Variants in EIF4G3 observed in about 807,000 individuals in gnomAD.
EIF4G3 encodes the protein eukaryotic translation initiation factor 4 gamma 3, also known as eIF-4-gamma 3.
In EIF4G3, 34 loss-of-function variants were observed where a neutral mutation model predicts 186.4. The observed-to-expected ratio is 0.18, with a 90% CI of 0.14 to 0.24. The LOEUF (loss-of-function observed/expected upper bound fraction) is 0.24, where lower values mean the gene tolerates loss of function less well. Among genes scored for constraint, EIF4G3 ranks in the 10% least tolerant of loss-of-function variants. EIF4G3 has a pLI of 1.00. For missense variants in EIF4G3, 1,536 were observed against 1,948.5 expected, an observed-to-expected ratio of 0.79 and a Z score of 3.99; for synonymous variants, 673 against 679.5, an observed-to-expected ratio of 0.99 and a Z score of 0.15.
At chr1:21,140,637 A>G (rs906848978) in intron 2 of EIF4G3, among the ~76,000 whole-genome samples, 1 of 152,256 alleles carries the variant, frequency 6.6e-6, no homozygotes, top group Non-Finnish European at 1.5e-5. Context: ...GCAGCAGGTT[A>G]TAAAAAGATA....
chr1:21,084,522 A>G (rs2100969833), intron 3 of EIF4G3, among the ~76,000 whole-genome samples: 1 of 152,202 alleles, frequency 6.6e-6, no homozygotes, highest in South Asian at 2.1e-4. Flanking sequence ...GGGGATTACA[A>G]TTCGACATGA....
chr1:21,065,397 C>A (rs1343789375), intron 3 of EIF4G3, among the ~76,000 whole-genome samples: 64 of 123,992 alleles, frequency 5.2e-4, no homozygotes, highest in African/African-American at 6.9e-4. Flanking sequence ...TTGTTTCTAC[C>A]AAAAAAAAAA....
intron 20 of EIF4G3, among the ~76,000 whole-genome samples, chr1:20,871,498 T>C (rs1338291705): frequency 1.3e-5 from 2 of 152,286 alleles, no homozygotes; most frequent in East Asian, 1.9e-4. Context: ...CAGATACTAG[T>C]TCAATTTTTT....
At chr1:20,814,792 T>G (rs1238619486) in intron 34 of EIF4G3, among the ~76,000 whole-genome samples, 1 of 47,724 alleles carries the variant, frequency 2.1e-5, no homozygotes, top group African/African-American at 9.6e-5. Context: ...CCCCTCTCCC[T>G]CTCCCCACAG....
intron 20 of EIF4G3, among the ~76,000 whole-genome samples, chr1:20,877,448 T>C (rs2081197715): frequency 6.6e-6 from 1 of 152,232 alleles, no homozygotes; most frequent in Admixed American, 6.5e-5. Flanking sequence ...TTCAATAAAG[T>C]GGGGCTAGTA....
At chr1:20,836,997 A>G (rs1411870043) in intron 30 of EIF4G3, among the ~76,000 whole-genome samples, 3 of 152,232 alleles carry the variant, frequency 2.0e-5, no homozygotes, top group Non-Finnish European at 4.4e-5. Flanking sequence ...TTCTTTGCGG[A>G]GATATGTTTC....
intron 26 of EIF4G3, among the ~76,000 whole-genome samples, chr1:20,854,538 TAA>T (rs36090897): frequency 6.0e-5 from 8 of 132,324 alleles, no homozygotes; most frequent in Admixed American, 1.5e-4. Context: ...TACAAAAAAT[TAA>T]AAAAAAAAAA....
At chr1:21,043,302 G>C (rs914122039) in intron 4 of EIF4G3, among the ~76,000 whole-genome samples, 2 of 152,134 alleles carry the variant, frequency 1.3e-5, no homozygotes, top group African/African-American at 2.4e-5. Context: ...CAATCAGTTT[G>C]GTTCTTACAA....
intron 2 of EIF4G3, among the ~76,000 whole-genome samples, chr1:21,133,953 T>C (rs184864907): frequency 1.3e-5 from 2 of 152,332 alleles, no homozygotes; most frequent in East Asian, 3.9e-4. Flanking sequence ...CGTTGAACTG[T>C]ACTTACTGCG....
At chr1:20,872,875 T>A (rs2079616773) in intron 20 of EIF4G3, among the ~76,000 whole-genome samples, 1 of 152,056 alleles carries the variant, frequency 6.6e-6, no homozygotes, top group South Asian at 2.1e-4. Context: ...TAGCTGGGAT[T>A]ACAGGCATGC....
chr1:21,129,409 C>T (rs192312206), intron 2 of EIF4G3, among the ~76,000 whole-genome samples: 54 of 152,240 alleles, frequency 3.5e-4, no homozygotes, highest in Admixed American at 2.8e-3. Context: ...AGACACAATG[C>T]ACTTGGTAAG....
chr1:20,884,276 G>A (rs370341055), intron 19 of EIF4G3, among the ~76,000 whole-genome samples: 1 of 152,092 alleles, frequency 6.6e-6, no homozygotes, highest in African/African-American at 2.4e-5. Context: ...AGACAATAAC[G>A]GAGAGGACTC....
Position 20,895,440 on chromosome 1 carries a change from G to T in EIF4G3, c.2061C>A (p.Asp687Glu). ...KKQYDREFLL[D>E]FQFMPACIQK... is the part of the protein sequence containing the mutation. ...GTATACAGGCAGGCATGAACTGGAA[G>T]TCCAGCAGAAACTCCCTGTCATACT... is the stretch of plus-strand genomic sequence containing the variant. The change falls in exon 17 of 37, where the codon GAC (aspartate) becomes GAA (glutamate). Residue 687 changes from aspartate to glutamate, a missense_variant. Transcript: ENST00000602326. 1 of 1,614,044 alleles carries T rather than the reference G, an allele frequency of 6.2e-7. No individual in the cohort carries two copies. The highest frequency in any genetic ancestry group is 8.5e-7 in the Non-Finnish European group (1 of 1,179,954).
chr1:20,972,451 T>C (rs1269352387), intron 11 of EIF4G3, among the ~76,000 whole-genome samples: 1 of 152,026 alleles, frequency 6.6e-6, no homozygotes. Flanking sequence ...CTGGGCAACA[T>C]GGCGAAATCC....
rs916161739 is a variant in EIF4G3 at position 20,997,653 on chromosome 1, C to G, written c.145-20G>C. 1.3e-6 allele frequency: 2 copies of G among 1,533,880 alleles called. No individual in the cohort carries two copies. Among genetic ancestry groups the G allele is most frequent in the African/African-American group, 2.8e-5 (2 of 71,782 alleles). On this transcript the variant is annotated intron_variant, in intron 6 of 36. Transcript: ENST00000602326. The stretch of plus-strand genomic sequence containing the variant: ...TGCAAACTGAGAAAAGGAGGGAAAA[C>G]AAACACAAAAGGAAAGGCACAAAGA...
At chr1:20,967,384 C>T (rs1017009431) in intron 12 of EIF4G3, among the ~76,000 whole-genome samples, 5 of 152,182 alleles carry the variant, frequency 3.3e-5, no homozygotes, top group African/African-American at 9.6e-5. Flanking sequence ...AGTGTGCCCC[C>T]ACCTAACAGA....
intron 2 of EIF4G3, among the ~76,000 whole-genome samples, chr1:21,132,940 G>A (rs1002362314): frequency 2.0e-5 from 3 of 151,664 alleles, no homozygotes; most frequent in African/African-American, 4.8e-5. Context: ...GCACCACCAC[G>A]CCCAGCTAAT....
chr1:21,007,067 T>C (rs12073726), intron 4 of EIF4G3, among the ~76,000 whole-genome samples: 4,998 of 152,174 alleles, frequency 0.033, 273 homozygotes, highest in African/African-American at 0.11. Flanking sequence ...TGAACAAACA[T>C]AAATCTGACT....
intron 2 of EIF4G3, among the ~76,000 whole-genome samples, chr1:21,144,860 T>C (rs2097407662): frequency 2.0e-5 from 3 of 152,176 alleles, no homozygotes; most frequent in Admixed American, 2.0e-4. Context: ...CAGATCTTGG[T>C]CACTAATATC....
Sources: gnomAD v4.1 joint callset for allele counts (sites outside exome capture counted in the v4.1 genomes callset) on GRCh38, gnomAD v4.1.1 for gene constraint, MANE v1.5 for transcripts, NCBI Gene and HGNC (gene_info 2026-07-23, HGNC 2026-07-21) for gene names.